BCL2L14: variants seen among roughly 807,000 people sequenced by gnomAD.
The protein encoded by BCL2L14 is apoptosis facilitator Bcl-2-like protein 14.
In BCL2L14, 27 loss-of-function variants were observed where a neutral mutation model predicts 35.3. That is an observed-to-expected ratio of 0.76 (90% CI 0.56 to 1.05). The LOEUF (loss-of-function observed/expected upper bound fraction) is 1.05, where lower values mean the gene tolerates loss of function less well. Among genes scored for constraint, BCL2L14 ranks in the 50% least tolerant of loss-of-function variants. The pLI is 0.00. For missense variants in BCL2L14, 377 were observed against 382.6 expected, an observed-to-expected ratio of 0.99 and a Z score of 0.12; for synonymous variants, 139 against 145.9, an observed-to-expected ratio of 0.95 and a Z score of 0.34.
At chr12:12,081,450 T>C (rs2136753093) in intron 2 of BCL2L14, among the ~76,000 whole-genome samples, 1 of 138,386 alleles carries the variant, frequency 7.2e-6, no homozygotes. Flanking sequence ...AATGAGACTC[T>C]GTCTCCAAAA....
At chr12:12,085,749 G>A (rs1591828800) in intron 2 of BCL2L14, among the ~76,000 whole-genome samples, 1 of 152,138 alleles carries the variant, frequency 6.6e-6, no homozygotes, top group African/African-American at 2.4e-5. Context: ...GGGATCAGGA[G>A]CCACCTTGGC....
At chr12:12,096,915 G>A (rs1165892065) in intron 5 of BCL2L14, among the ~76,000 whole-genome samples, 1 of 152,126 alleles carries the variant, frequency 6.6e-6, no homozygotes, top group Non-Finnish European at 1.5e-5. Flanking sequence ...AGGCCGAGGC[G>A]GGTGGATCAC....
chr12:12,069,908 A>G (rs1948643826), upstream of BCL2L14, among the ~76,000 whole-genome samples: 1 of 152,196 alleles, frequency 6.6e-6, no homozygotes, highest in Non-Finnish European at 1.5e-5. Flanking sequence ...CCTAATATTT[A>G]AATGACCCAT....
intron 5 of BCL2L14, chr12:12,096,224 CTT>C (rs1227048126): frequency 5.6e-6 from 5 of 898,656 alleles, no homozygotes; most frequent in South Asian, 5.1e-5. Context: ...TGTTAGTCCT[CTT>C]AATATATTTT....
chr12:12,081,931 CA>C (rs1230620076), intron 2 of BCL2L14, among the ~76,000 whole-genome samples: 2 of 152,142 alleles, frequency 1.3e-5, no homozygotes, highest in Non-Finnish European at 1.5e-5. Flanking sequence ...AATAATTAGT[CA>C]AGAGGTGGCA....
chr12:12,050,814 G>GGAAA (rs1555084778), intron 1 of BCL2L14, among the ~76,000 whole-genome samples: 1 of 111,508 alleles, frequency 9.0e-6, no homozygotes, highest in African/African-American at 3.6e-5. Context: ...AAAAAAAAAA[G>GGAAA]AAAAGAAAAG....
intron 4 of BCL2L14, 34 bp from the exon 5 acceptor site, chr12:12,094,630 C>T (rs777850411): frequency 5.1e-5 from 82 of 1,614,036 alleles, no homozygotes; most frequent in Non-Finnish European, 6.4e-5. Context: ...TGGAGCCAAG[C>T]TACTGTACTG....
chr12:12,078,251 AAAAG>A (rs1948824515), intron 1 of BCL2L14, among the ~76,000 whole-genome samples: 1 of 152,226 alleles, frequency 6.6e-6, no homozygotes, highest in African/African-American at 2.4e-5. Flanking sequence ...ATAGCAAGAA[AAAAG>A]AAAGAGAGAG....
intron 2 of BCL2L14, among the ~76,000 whole-genome samples, chr12:12,056,508 T>C (rs1002844999): frequency 6.6e-6 from 1 of 152,188 alleles, no homozygotes; most frequent in Non-Finnish European, 1.5e-5. Flanking sequence ...ACCTGTGTTA[T>C]CTGTAAATAA....
intron 2 of BCL2L14, among the ~76,000 whole-genome samples, chr12:12,053,912 G>A (rs1948394186): frequency 6.6e-6 from 1 of 152,022 alleles, no homozygotes; most frequent in Admixed American, 6.6e-5. Context: ...ACTAAATGTT[G>A]GGTTTTACGT....
In BCL2L14 at chr12:12,061,361, C is replaced by T. The variant is rs552800960; in HGVS notation, c.-272+9514C>T. Among the ~76,000 whole-genome samples the T allele has an allele frequency of 1.3e-3, 204 of 151,704 alleles. 1 individual carries two copies. The highest frequency in any genetic ancestry group is 2.1e-3 in the Admixed American group (32 of 15,180). On this transcript the variant is annotated intron_variant, in intron 2 of 3. Transcript: ENST00000461264. ...CATTAAAACCTAATCACCCTTACTC[C>T]GCTCAATGCCAAGATCCCATCCCAC... is the stretch of plus-strand genomic sequence containing the variant.
intron 4 of BCL2L14, among the ~76,000 whole-genome samples, chr12:12,092,633 C>A (rs553369671): frequency 1.3e-5 from 2 of 152,310 alleles, no homozygotes; most frequent in African/African-American, 4.8e-5. Flanking sequence ...GCGTTTGATT[C>A]TTTTACTGTT....
chr12:12,091,533 T>A (rs964240382), intron 4 of BCL2L14, among the ~76,000 whole-genome samples: 1 of 152,196 alleles, frequency 6.6e-6, no homozygotes, highest in African/African-American at 2.4e-5. Flanking sequence ...AATCAGGGGC[T>A]GGCTTGCAGA....
At chr12:12,080,903 A>C (rs976782325) in intron 2 of BCL2L14, among the ~76,000 whole-genome samples, 1 of 152,126 alleles carries the variant, frequency 6.6e-6, no homozygotes, top group Non-Finnish European at 1.5e-5. Flanking sequence ...AAACATTTTC[A>C]CCAGGCACTG....
At chr12:12,072,335 G>C (rs1948685194) in intron 1 of BCL2L14, 1 of 152,336 alleles carries the variant, frequency 6.6e-6, no homozygotes, top group African/African-American at 2.4e-5. Flanking sequence ...GTTCGTTGCA[G>C]TGTGGCCTTC....
At chr12:12,060,076 C>T (rs1168089725) in intron 2 of BCL2L14, among the ~76,000 whole-genome samples, 1 of 151,814 alleles carries the variant, frequency 6.6e-6, no homozygotes, top group Non-Finnish European at 1.5e-5. Context: ...TCTGACCTCT[C>T]TCCTCCTCGC....
chr12:12,095,104 C>G (rs2136783942), intron 5 of BCL2L14, 174 bp downstream of exon 5: 1 of 984,808 alleles, frequency 1.0e-6, no homozygotes, highest in African/African-American at 1.7e-5. Context: ...TAGTGATTAT[C>G]TTCATCATCA....
chr12:12,081,965 T>C (rs1011873648), intron 2 of BCL2L14, among the ~76,000 whole-genome samples: 60 of 152,356 alleles, frequency 3.9e-4, no homozygotes, highest in Admixed American at 1.2e-3. Context: ...TTTTTAAATG[T>C]GACAGTCCTG....
chr12:12,075,932 C>G (rs1948771169), intron 1 of BCL2L14, among the ~76,000 whole-genome samples: 1 of 151,880 alleles, frequency 6.6e-6, no homozygotes, highest in Non-Finnish European at 1.5e-5. Flanking sequence ...GAGGCTTGAT[C>G]AGATTCGGAT....
Sources: allele counts gnomAD v4.1 joint callset (sites outside exome capture counted in the v4.1 genomes callset), GRCh38; gene constraint gnomAD v4.1.1; transcripts MANE v1.5; gene names NCBI Gene and HGNC (gene_info 2026-07-23, HGNC 2026-07-21).